Variants in SRBD1 observed in about 807,000 individuals in gnomAD.
The protein encoded by SRBD1 is S1 RNA binding domain 1.
SRBD1 carries 88 observed loss-of-function variants against 115.3 expected under a neutral mutation model. The ratio of observed to expected loss-of-function variants is 0.76; its 90% CI spans 0.64 to 0.91. The LOEUF is 0.91. Ranked by LOEUF, SRBD1 falls within the 40% of genes least tolerant of loss-of-function variation. SRBD1 has a pLI of 0.00. For missense variants in SRBD1, 1,385 were observed against 1,177.4 expected, an observed-to-expected ratio of 1.18 and a Z score of -2.58; for synonymous variants, 509 against 407.7, an observed-to-expected ratio of 1.25 and a Z score of -2.99.
Position 45,574,672 on chromosome 2 carries a change from T to A in SRBD1, c.1124A>T (p.Asp375Val), listed in dbSNP as rs1242162502. ...CGTGTCTTTGTCTTTAGCAATCATA[T>A]CTGCTAAAATATGCTGCACTCCTAT... ...IEIGVQHILA[D>V]MIAKDKDTLD... The change falls in exon 8 of 21, where the codon GAT (aspartate) becomes GTT (valine). Residue 375 changes from aspartate (D) to valine (V), a missense_variant. Asp to Val is a radical substitution (Grantham distance 152). Transcript: ENST00000263736. 5.6e-6 allele frequency: 9 copies of A among 1,613,784 alleles called. No homozygotes were observed. The highest frequency in any genetic ancestry group is 7.6e-6 in the Non-Finnish European group (9 of 1,179,906).
intron 18 of SRBD1, among the ~76,000 whole-genome samples, chr2:45,414,546 G>GTGTGTGTACACAC (rs1558562879): frequency 7.3e-4 from 86 of 117,388 alleles, no homozygotes; most frequent in African/African-American, 3.0e-3. Flanking sequence ...TACACACATA[G>GTGTGTGTACACAC]TGTCTGTAGT....
intron 10 of SRBD1, among the ~76,000 whole-genome samples, chr2:45,555,874 G>T (rs770990775): frequency 6.6e-6 from 1 of 151,982 alleles, no homozygotes; most frequent in African/African-American, 2.4e-5. Flanking sequence ...AAACCTGTTG[G>T]TCCTATGATA....
chr2:45,599,021 C>T (rs965193335), intron 4 of SRBD1, among the ~76,000 whole-genome samples: 7 of 152,162 alleles, frequency 4.6e-5, no homozygotes, highest in East Asian at 1.9e-4. Flanking sequence ...TTTCAAAAAT[C>T]GCTAGGCCTT....
At chr2:45,584,869 G>T (rs1440034020) in intron 5 of SRBD1, among the ~76,000 whole-genome samples, 2 of 152,124 alleles carry the variant, frequency 1.3e-5, no homozygotes, top group East Asian at 3.8e-4. Context: ...ATGGGAAAAA[G>T]GCTGGGCATG....
At chr2:45,486,705 C>T (rs1293823368) in intron 15 of SRBD1, among the ~76,000 whole-genome samples, 1 of 151,476 alleles carries the variant, frequency 6.6e-6, no homozygotes. Context: ...TGTACTCCAG[C>T]CTGGGTGACA....
At chr2:45,409,891 G>A (rs913498819) in intron 19 of SRBD1, among the ~76,000 whole-genome samples, 1 of 151,994 alleles carries the variant, frequency 6.6e-6, no homozygotes, top group African/African-American at 2.4e-5. Flanking sequence ...TAAGTTCATG[G>A]ACTAAAAGAC....
At chr2:45,593,024 G>C (rs10181674) in intron 4 of SRBD1, among the ~76,000 whole-genome samples, 1 of 152,068 alleles carries the variant, frequency 6.6e-6, no homozygotes, top group African/African-American at 2.4e-5. Context: ...ACTTATAAGC[G>C]ATTCACATTT....
chr2:45,598,106 G>C (rs1210151441), intron 4 of SRBD1, among the ~76,000 whole-genome samples: 1 of 152,210 alleles, frequency 6.6e-6, no homozygotes, highest in Non-Finnish European at 1.5e-5. Flanking sequence ...GCTTCAGGGT[G>C]AATCTGATGC....
chr2:45,400,902 G>C (rs1245751575), intron 19 of SRBD1, among the ~76,000 whole-genome samples: 2 of 152,120 alleles, frequency 1.3e-5, no homozygotes, highest in Non-Finnish European at 2.9e-5. Flanking sequence ...GACTGAGTTA[G>C]GGGAAAGTTA....
chr2:45,499,019 G>C (rs369631999), intron 14 of SRBD1, among the ~76,000 whole-genome samples: 20 of 152,248 alleles, frequency 1.3e-4, no homozygotes, highest in African/African-American at 4.8e-4. Context: ...TTAGCAGTGG[G>C]ATTGCTGACT....
intron 10 of SRBD1, among the ~76,000 whole-genome samples, chr2:45,554,340 A>C (rs1672404012): frequency 6.6e-6 from 1 of 152,222 alleles, no homozygotes; most frequent in South Asian, 2.1e-4. Flanking sequence ...ACTATGAGAA[A>C]ATAAATTACT....
chr2:45,447,731 A>G (rs1668870646), intron 16 of SRBD1: 2 of 152,324 alleles, frequency 1.3e-5, no homozygotes, highest in East Asian at 1.9e-4. Context: ...CTTTCTTTTT[A>G]TACACTTAGA....
intron 14 of SRBD1, among the ~76,000 whole-genome samples, chr2:45,521,803 C>A (rs746944539): frequency 4.0e-5 from 6 of 151,842 alleles, no homozygotes; most frequent in Non-Finnish European, 8.8e-5. Context: ...CCTGTCTCCA[C>A]AAAACAATTT....
At chr2:45,478,089 T>C (rs1669858022) in intron 15 of SRBD1, among the ~76,000 whole-genome samples, 1 of 152,104 alleles carries the variant, frequency 6.6e-6, no homozygotes, top group African/African-American at 2.4e-5. Context: ...AGCCTCCCTC[T>C]CCAGTAGCAT....
intron 14 of SRBD1, among the ~76,000 whole-genome samples, chr2:45,526,548 C>G (rs536673893): frequency 6.6e-6 from 1 of 151,912 alleles, no homozygotes; most frequent in East Asian, 1.9e-4. Context: ...GATAGCTGCA[C>G]ATCTGTGAAT....
chr2:45,412,216 T>G (rs1173882018), intron 19 of SRBD1, among the ~76,000 whole-genome samples: 1 of 152,216 alleles, frequency 6.6e-6, no homozygotes, highest in African/African-American at 2.4e-5. Flanking sequence ...TAGGTGTGGC[T>G]ATATAGGAAT....
intron 6 of SRBD1, 51 bp from the exon 7 acceptor site, chr2:45,580,064 T>C: frequency 4.9e-6 from 7 of 1,417,578 alleles, no homozygotes; most frequent in Non-Finnish European, 4.7e-6. Context: ...AAAACAAAAG[T>C]TAAAACTAGG....
intron 4 of SRBD1, among the ~76,000 whole-genome samples, chr2:45,590,881 G>C (rs150842000): frequency 1.8e-4 from 27 of 152,234 alleles, no homozygotes; most frequent in African/African-American, 6.5e-4. Context: ...GCTGGGCATG[G>C]TGGTATGCGC....
intron 10 of SRBD1, among the ~76,000 whole-genome samples, chr2:45,561,437 C>CA (rs1196013193): frequency 6.6e-6 from 1 of 152,194 alleles, no homozygotes; most frequent in African/African-American, 2.4e-5. Context: ...AATGAATTAA[C>CA]AAAACAGTTG....
Sources: gnomAD v4.1 joint callset for allele counts (sites outside exome capture counted in the v4.1 genomes callset) on GRCh38, gnomAD v4.1.1 for gene constraint, MANE v1.5 for transcripts, NCBI Gene and HGNC (gene_info 2026-07-23, HGNC 2026-07-21) for gene names.